Variants in CTBP2 observed in about 807,000 individuals in gnomAD.
The protein encoded by CTBP2 is C-terminal-binding protein 2.
CTBP2 carries 30 observed loss-of-function variants against 80.3 expected under a neutral mutation model. The ratio of observed to expected loss-of-function variants is 0.37; its 90% CI spans 0.28 to 0.51. The LOEUF is 0.51. Among genes scored for constraint, CTBP2 ranks in the 20% least tolerant of loss-of-function variants. CTBP2 has a pLI of 0.93. For missense variants in CTBP2, 1,212 were observed against 1,375.3 expected (o/e 0.88, Z 1.88); for synonymous variants, 594 against 587.4 (o/e 1.01, Z -0.16).
intron 2 of CTBP2, among the ~76,000 whole-genome samples, chr10:125,098,553 T>C (rs997042342): frequency 1.3e-5 from 2 of 151,666 alleles, no homozygotes; most frequent in African/African-American, 2.4e-5. Context: ...TGTCCAAAGA[T>C]GGCCAGAAGA....
At chr10:125,113,760 G>A (rs1175295658) in intron 1 of CTBP2, among the ~76,000 whole-genome samples, 2 of 152,170 alleles carry the variant, frequency 1.3e-5, no homozygotes, top group Non-Finnish European at 2.9e-5. Flanking sequence ...ATATTTCATA[G>A]TAAAATTAAG....
chr10:125,049,010 T>A (rs3012065), intron 2 of CTBP2, among the ~76,000 whole-genome samples: 2 of 149,710 alleles, frequency 1.3e-5, no homozygotes, highest in Admixed American at 6.7e-5. Context: ...TGCACATTAA[T>A]GTGCTCTCTG....
At chr10:125,098,563 AC>A (rs1174647689) in intron 2 of CTBP2, among the ~76,000 whole-genome samples, 8 of 150,892 alleles carry the variant, frequency 5.3e-5, no homozygotes, top group Admixed American at 3.3e-4. Flanking sequence ...TGGCCAGAAG[AC>A]CCCCCTATTT....
intron 1 of CTBP2, among the ~76,000 whole-genome samples, chr10:125,138,675 A>G (rs1376436253): frequency 6.6e-6 from 1 of 152,068 alleles, no homozygotes; most frequent in African/African-American, 2.4e-5. Flanking sequence ...TTAAAAAAAA[A>G]AAAAAAAACA....
rs536759196 is a variant in CTBP2, at chr10:125,046,672, G to GT, written c.-101-7518dup. ...CCAAAAAATTAAAAGTGAAGCCCCT[G>GT]TAAGTTACACAGAGTAAGAAACATC... On this transcript the variant is annotated intron_variant, in intron 2 of 10. Transcript: ENST00000337195. Among the ~76,000 whole-genome samples the GT allele has an allele frequency of 3.0e-4, 45 of 152,168 alleles. 1 individual carries two copies. In the South Asian group the frequency reaches 8.7e-3, roughly 29 times the overall value.
chr10:125,020,856 GA>G lies in CTBP2; in HGVS notation c.1678+5225del, dbSNP rs561776073. On this transcript the variant is annotated intron_variant, in intron 1 of 8. Transcript: ENST00000309035. ...GGAGGGGGTCTGCGCTGTCGAGGGGGACACACTCTATGCAAGGTGGGCTTAC... is the reference window on the plus strand; with the variant it reads ...GGAGGGGGTCTGCGCTGTCGAGGGGGCACACTCTATGCAAGGTGGGCTTAC... Among the ~76,000 whole-genome samples, 656 of 152,262 alleles carry G rather than the reference GA, an allele frequency of 4.3e-3. 3 individuals carry two copies. Among genetic ancestry groups the G allele is most frequent in the African/African-American group, 0.015 (632 of 41,530 alleles).
chr10:125,056,302 T>G (rs1199080809), intron 2 of CTBP2, among the ~76,000 whole-genome samples: 2 of 152,226 alleles, frequency 1.3e-5, no homozygotes, highest in Non-Finnish European at 2.9e-5. Context: ...ACTGACACAA[T>G]GCATAAGCAG....
upstream of CTBP2, among the ~76,000 whole-genome samples, chr10:125,030,190 A>T (rs1430472069): frequency 6.6e-6 from 1 of 152,096 alleles, no homozygotes; most frequent in Non-Finnish European, 1.5e-5. Flanking sequence ...TCTTTTAGAA[A>T]GGACTGCTTT....
intron 1 of CTBP2, among the ~76,000 whole-genome samples, chr10:125,118,800 G>A (rs1440933249): frequency 1.3e-5 from 2 of 152,230 alleles, no homozygotes; most frequent in Admixed American, 6.5e-5. Flanking sequence ...CCGCAAAGGC[G>A]CGCAGCTCCG....
At chr10:125,094,857 C>T (rs1849314180) in intron 2 of CTBP2, among the ~76,000 whole-genome samples, 1 of 140,108 alleles carries the variant, frequency 7.1e-6, no homozygotes, top group East Asian at 2.1e-4. Flanking sequence ...GGCTGATTAC[C>T]GGCAATTTTT....
chr10:125,107,627 C>A (rs1851659515), intron 2 of CTBP2, among the ~76,000 whole-genome samples: 1 of 152,258 alleles, frequency 6.6e-6, no homozygotes, highest in Non-Finnish European at 1.5e-5. Context: ...CCTGCTACAG[C>A]CACAACTCAG....
chr10:125,116,776 AG>A (rs540543660), intron 1 of CTBP2, among the ~76,000 whole-genome samples: 171 of 152,318 alleles, frequency 1.1e-3, no homozygotes, highest in Non-Finnish European at 2.1e-3. Flanking sequence ...AAGTGGTGCC[AG>A]GGGCTTTCCC....
intron 1 of CTBP2, among the ~76,000 whole-genome samples, chr10:125,134,553 G>A (rs1424140278): frequency 6.6e-6 from 1 of 152,174 alleles, no homozygotes; most frequent in African/African-American, 2.4e-5. Flanking sequence ...TGACTCCTCT[G>A]AGCAAAGAGC....
chr10:125,009,247 C>A (rs1426170252), intron 1 of CTBP2, among the ~76,000 whole-genome samples: 2 of 152,208 alleles, frequency 1.3e-5, no homozygotes, highest in African/African-American at 4.8e-5. Context: ...GGGGAACGAG[C>A]ATTCCAAACA....
At chr10:125,047,396 C>T in intron 2 of CTBP2, among the ~76,000 whole-genome samples, 1 of 152,232 alleles carries the variant, frequency 6.6e-6, no homozygotes, top group Non-Finnish European at 1.5e-5. Context: ...CCAGAAAACT[C>T]ATCTTTTGTT....
intron 2 of CTBP2, among the ~76,000 whole-genome samples, chr10:125,069,871 C>T (rs1845184924): frequency 6.9e-6 from 1 of 144,374 alleles, no homozygotes; most frequent in African/African-American, 2.5e-5. Context: ...ACTTCCTTTT[C>T]CATACCCTGC....
chr10:125,140,956 A>G (rs990450640), intron 1 of CTBP2, among the ~76,000 whole-genome samples: 1 of 152,132 alleles, frequency 6.6e-6, no homozygotes, highest in Non-Finnish European at 1.5e-5. Context: ...CCTGGCCAAC[A>G]TGGTGAAACC....
intron 2 of CTBP2, among the ~76,000 whole-genome samples, chr10:125,098,750 CAGAGAGAGAG>C (rs1265217140): frequency 5.3e-5 from 4 of 75,504 alleles, no homozygotes; most frequent in African/African-American, 2.0e-4. Flanking sequence ...GAGAGAGAGA[CAGAGAGAGAG>C]AGAGAGAGAG....
At chr10:125,081,159 C>G (rs186425635) in intron 2 of CTBP2, among the ~76,000 whole-genome samples, 4 of 152,220 alleles carry the variant, frequency 2.6e-5, no homozygotes, top group Non-Finnish European at 4.4e-5. Context: ...AAACACAGGA[C>G]AAACTGAACT....
Sources: gnomAD v4.1 joint callset for allele counts (sites outside exome capture counted in the v4.1 genomes callset) on GRCh38, gnomAD v4.1.1 for gene constraint, MANE v1.5 for transcripts, NCBI Gene and HGNC (gene_info 2026-07-23, HGNC 2026-07-21) for gene names.